Variants in HTT observed in about 807,000 individuals in gnomAD.
The protein encoded by HTT is huntington disease protein.
In HTT, 104 loss-of-function variants were observed where a neutral mutation model predicts 362.3. The observed-to-expected ratio is 0.29, with a 90% confidence interval of 0.24 to 0.34. The LOEUF (loss-of-function observed/expected upper bound fraction) is 0.34. HTT is among the 10% of genes least tolerant of loss of function. The probability of loss-of-function intolerance (pLI) is 1.00; values close to 1 mark genes in which losing one functional copy is unlikely to be tolerated. For missense variants in HTT, 3,301 were observed against 3,928.6 expected (o/e 0.84, Z 4.27); for synonymous variants, 1,577 against 1,548.7 (o/e 1.02, Z -0.43).
intron 37 of HTT, among the ~76,000 whole-genome samples, chr4:3,182,984 A>G (rs1196927057): frequency 6.6e-6 from 1 of 152,092 alleles, no homozygotes; most frequent in East Asian, 1.9e-4. Context: ...AGGTTCAACC[A>G]ATTCTCCCAC....
At chr4:3,136,067 A>T in intron 20 of HTT, 100 bp downstream of exon 20, 3 of 961,908 alleles carry the variant, frequency 3.1e-6, no homozygotes, top group Non-Finnish European at 3.2e-6. Flanking sequence ...CATGTTTTAG[A>T]TGTTTATTTC....
intron 63 of HTT, 37 bp from the exon 64 acceptor site, chr4:3,236,112 A>T (rs1181536841): frequency 6.9e-7 from 1 of 1,443,490 alleles, no homozygotes; most frequent in Admixed American, 1.7e-5. Context: ...ATTGGGTTGT[A>T]TAGAGGTAAC....
At chr4:3,157,332 T>G in intron 28 of HTT, 133 bp downstream of exon 28, 1 of 814,068 alleles carries the variant, frequency 1.2e-6, no homozygotes, top group Non-Finnish European at 1.9e-6. Flanking sequence ...TTTTTCAAGT[T>G]TGTTTGTCTT....
At chr4:3,122,297 C>A (rs1336434322) in intron 9 of HTT, among the ~76,000 whole-genome samples, 1 of 152,204 alleles carries the variant, frequency 6.6e-6, no homozygotes, top group Non-Finnish European at 1.5e-5. Flanking sequence ...TGGTGCCTAG[C>A]AGGCTATGGA....
intron 28 of HTT, among the ~76,000 whole-genome samples, chr4:3,158,626 AAT>A (rs1717281060): frequency 1.3e-5 from 2 of 151,630 alleles, no homozygotes; most frequent in South Asian, 4.2e-4. Context: ...TTTTGTTACT[AAT>A]AGTTACTTCT....
At chr4:3,128,700 ATAATG>A (rs1180481212) in intron 12 of HTT, 1 of 152,242 alleles carries the variant, frequency 6.6e-6, no homozygotes. Flanking sequence ...GGATAGTCTA[ATAATG>A]TTTGCTACAA....
At chr4:3,196,301 C>T (rs781641925) in intron 40 of HTT, among the ~76,000 whole-genome samples, 24 of 152,198 alleles carry the variant, frequency 1.6e-4, no homozygotes, top group Non-Finnish European at 2.2e-4. Context: ...AACATCCCAG[C>T]GGAACAGGGG....
At chr4:3,174,552 T>C (rs532648917) in intron 31 of HTT, among the ~76,000 whole-genome samples, 169 bp from the exon 32 acceptor site, 1 of 152,386 alleles carries the variant, frequency 6.6e-6, no homozygotes, top group South Asian at 2.1e-4. Flanking sequence ...TGTCATTATC[T>C]GAAGAGGGCG....
chr4:3,117,102 A>G (rs906277953), intron 8 of HTT, among the ~76,000 whole-genome samples: 1 of 152,220 alleles, frequency 6.6e-6, no homozygotes, highest in Non-Finnish European at 1.5e-5. Context: ...AAGGCCATGT[A>G]AGTGCTGCGT....
chr4:3,163,964 C>T (rs1178652317), intron 29 of HTT, among the ~76,000 whole-genome samples: 1 of 151,880 alleles, frequency 6.6e-6, no homozygotes, highest in Non-Finnish European at 1.5e-5. Context: ...TTGTCTTCTG[C>T]TAGCTTTTGA....
At chr4:3,227,163 C>A (rs569054944) in intron 57 of HTT, among the ~76,000 whole-genome samples, 1 of 152,224 alleles carries the variant, frequency 6.6e-6, no homozygotes, top group African/African-American at 2.4e-5. Context: ...TTGTGTCCAG[C>A]GTCCGCAAAC....
chr4:3,232,200 AC>A (rs1721287821), intron 60 of HTT, among the ~76,000 whole-genome samples: 1 of 152,056 alleles, frequency 6.6e-6, no homozygotes, highest in Non-Finnish European at 1.5e-5. Flanking sequence ...GAAGGAAGTG[AC>A]CCACAAAGAA....
At chr4:3,202,898 G>C (rs950775170) in intron 41 of HTT, 5 of 152,382 alleles carry the variant, frequency 3.3e-5, no homozygotes, top group African/African-American at 4.8e-5. Flanking sequence ...TCAGCTGCTT[G>C]GGAGGCTGAG....
Position 3,074,968 on chromosome 4 carries a change from C to CGCCGCCGCT in HTT, c.143_144insGCCGCCGCT (p.Pro49_Gln50insProLeuPro). On this transcript the variant is annotated inframe_insertion, in exon 1 of 67. Coordinates refer to ENST00000355072, the MANE Select transcript of HTT (RefSeq NM_001388492.1). The stretch of plus-strand genomic sequence containing the variant: ...CCACCGCCGCCGCCGCCGCCGCCGC[C>CGCCGCCGCT]TCCTCAGCTTCCTCAGCCGCCGCCG... The CGCCGCCGCT allele has an allele frequency of 1.4e-6, 2 of 1,480,984 alleles. No individual in the cohort carries two copies. Among genetic ancestry groups the CGCCGCCGCT allele is most frequent in the Non-Finnish European group, 1.8e-6 (2 of 1,116,526 alleles). 91.7% of individuals were successfully genotyped at this position (1,480,984 alleles called of 1,614,324 possible).
chr4:3,090,374 A>G (rs528675045), intron 2 of HTT, among the ~76,000 whole-genome samples: 218 of 152,338 alleles, frequency 1.4e-3, no homozygotes, highest in Non-Finnish European at 2.4e-3. Flanking sequence ...ATACTTCTGC[A>G]TTCTGTTTGA....
chr4:3,129,746 C>A, intron 12 of HTT, 178 bp from the exon 13 acceptor site: 1 of 600,090 alleles, frequency 1.7e-6, no homozygotes, highest in South Asian at 2.3e-5. Flanking sequence ...AATGAGTGAT[C>A]AGTAAGCTCT....
chr4:3,136,152 C>T (rs1716055490), intron 20 of HTT, 74 bp from the exon 21 acceptor site: 3 of 1,100,152 alleles, frequency 2.7e-6, no homozygotes, highest in Non-Finnish European at 4.1e-6. Flanking sequence ...TTCTCACTAG[C>T]TTTCCAAAAT....
intron 2 of HTT, among the ~76,000 whole-genome samples, chr4:3,095,961 G>A (rs150636071): frequency 3.5e-4 from 54 of 152,358 alleles, no homozygotes; most frequent in African/African-American, 1.3e-3. Context: ...GTAAGACTCG[G>A]TATATGCTGC....
intron 20 of HTT, 60 bp from the exon 21 acceptor site, chr4:3,136,166 T>G (rs546371268): frequency 1.7e-6 from 2 of 1,211,954 alleles, no homozygotes; most frequent in Admixed American, 1.9e-5. Context: ...CCAAAATATC[T>G]TACCTAAAAT....
Sources: allele counts gnomAD v4.1 joint callset (sites outside exome capture counted in the v4.1 genomes callset), GRCh38; gene constraint gnomAD v4.1.1; transcripts MANE v1.5; gene names NCBI Gene and HGNC (gene_info 2026-07-23, HGNC 2026-07-21).